TPST2: variants seen among roughly 807,000 people sequenced by gnomAD.
The protein encoded by TPST2 is tyrosylprotein sulfotransferase 2, also known as protein-tyrosine sulfotransferase 2.
A neutral mutation model predicts 27.8 loss-of-function variants in TPST2; 16 were observed. The observed-to-expected ratio is 0.58, with a 90% CI of 0.39 to 0.88. TPST2 has a LOEUF of 0.88. TPST2 is among the 40% of genes least tolerant of loss of function. The pLI, the probability that TPST2 is intolerant of heterozygous loss-of-function variation, is 0.00. For synonymous variants in TPST2, 229 were observed against 231.7 expected (o/e 0.99, Z 0.10); for missense variants, 464 against 543.1 (o/e 0.85, Z 1.45).
chr22:26,585,305 T>C (rs1928300846), intron 1 of TPST2, among the ~76,000 whole-genome samples: 1 of 151,670 alleles, frequency 6.6e-6, no homozygotes, highest in Non-Finnish European at 1.5e-5. Context: ...ATAAGAAGTT[T>C]CTCCCTGGGC....
intron 1 of TPST2, among the ~76,000 whole-genome samples, chr22:26,544,910 C>G (rs1171131340): frequency 1.3e-5 from 2 of 152,328 alleles, no homozygotes; most frequent in African/African-American, 4.8e-5. Flanking sequence ...GAGGTGTGAG[C>G]TGAAGTCTGA....
At chr22:26,560,650 C>T (rs1285625000) in intron 1 of TPST2, 15 of 1,313,774 alleles carry the variant, frequency 1.1e-5, no homozygotes, top group Non-Finnish European at 1.5e-5. Flanking sequence ...TCAGAGTTTT[C>T]TAAGAAGTGC....
intron 1 of TPST2, chr22:26,561,111 G>A: frequency 6.2e-7 from 1 of 1,609,530 alleles, no homozygotes; most frequent in Non-Finnish European, 8.5e-7. Flanking sequence ...AGATGAAGAG[G>A]ATGAGGAGGA....
rs34776057 is a variant in TPST2 at position 26,530,631 on chromosome 22, C to CAAAAAAAAAAA, written c.1092+2053_1092+2063dup. Among the ~76,000 whole-genome samples, 21 of 118,310 alleles carry CAAAAAAAAAAA rather than the reference C, an allele frequency of 1.8e-4. 1 individual carries two copies. The South Asian group carries it at 4.9e-3, about 28-fold the overall frequency. 77.6% of individuals were successfully genotyped at this position (118,310 alleles called of 152,430 possible). On this transcript the variant is annotated intron_variant, in intron 5 of 6. Coordinates refer to ENST00000338754, the MANE Select transcript of TPST2 (RefSeq NM_003595.5). ...TGGGTGACACAGTGAAACCCCATCT[C>CAAAAAAAAAAA]AAAAAAAAAAAGGAATCAGCAGGAG...
rs888660154 is a variant in TPST2, at chr22:26,536,930, C to A, written c.843-444G>T. On this transcript the variant is annotated intron_variant, in intron 3 of 6. Coordinates refer to ENST00000338754, the MANE Select transcript of TPST2 (RefSeq NM_003595.5). Reference sequence around the variant, plus strand: ...GGCATGGTAACAAGCGCCTGTAGTCCCAGCAGCTGCGCAGGAGGCTGAGAT... The same window carrying A: ...GGCATGGTAACAAGCGCCTGTAGTCACAGCAGCTGCGCAGGAGGCTGAGAT... Among the ~76,000 whole-genome samples, 5 of 152,112 alleles carry A rather than the reference C, an allele frequency of 3.3e-5. No homozygotes were observed. The South Asian group carries it at 1.0e-3, about 32-fold the overall frequency.
chr22:26,528,174 C>G, intron 6 of TPST2, 40 bp downstream of exon 6: 1 of 1,552,984 alleles, frequency 6.4e-7, no homozygotes, highest in Non-Finnish European at 8.7e-7. Flanking sequence ...CGGGGCCACC[C>G]AGAAGCAGCG....
chr22:26,528,101 G>T, intron 6 of TPST2, 113 bp downstream of exon 6: 1 of 1,265,738 alleles, frequency 7.9e-7, no homozygotes, highest in South Asian at 1.3e-5. Flanking sequence ...CCACCCTAGT[G>T]GACATGTCTA....
chr22:26,544,840 A>C (rs1339022042), intron 1 of TPST2, among the ~76,000 whole-genome samples, 165 bp from the exon 2 acceptor site: 1 of 152,190 alleles, frequency 6.6e-6, no homozygotes, highest in African/African-American at 2.4e-5. Context: ...AAGATACCAC[A>C]GCTGGAGTCT....
chr22:26,544,698 G>A lies in TPST2; in HGVS notation c.-160-23C>T, dbSNP rs929986565. ...GCCCTGGAGAGGCAAAGGAGATATT[G>A]CATCAGGGATGGGCACTGTGGAGAG... On this transcript the variant is annotated intron_variant, in intron 1 of 6. Transcript: ENST00000338754. 54 of 985,438 alleles carry A rather than the reference G, an allele frequency of 5.5e-5. No individual in the cohort carries two copies. The African/African-American group carries it at 8.9e-4, about 16-fold the overall frequency. 61.0% of individuals were successfully genotyped at this position (985,438 alleles called of 1,614,324 possible).
chr22:26,554,313 A>T (rs915599230), intron 1 of TPST2, among the ~76,000 whole-genome samples: 2 of 152,246 alleles, frequency 1.3e-5, no homozygotes, highest in African/African-American at 4.8e-5. Context: ...CTTGCCCCTG[A>T]CACCTGGCAC....
At chr22:26,537,984 C>T (rs1925569925) in intron 3 of TPST2, among the ~76,000 whole-genome samples, 1 of 152,182 alleles carries the variant, frequency 6.6e-6, no homozygotes, top group Non-Finnish European at 1.5e-5. Flanking sequence ...TTCACAGCTA[C>T]CATGGAATAA....
At chr22:26,569,002 T>C (rs1424328164) in intron 1 of TPST2, among the ~76,000 whole-genome samples, 2 of 151,868 alleles carry the variant, frequency 1.3e-5, no homozygotes, top group Non-Finnish European at 2.9e-5. Flanking sequence ...TAGCTGGGAC[T>C]ACAGGCGCCC....
At chr22:26,588,259 A>G (rs1474355439) in intron 1 of TPST2, among the ~76,000 whole-genome samples, 1 of 152,106 alleles carries the variant, frequency 6.6e-6, no homozygotes, top group Non-Finnish European at 1.5e-5. Context: ...CCTTAGAAAC[A>G]TTCTCTGAAG....
chr22:26,550,007 T>C (rs1926377073), intron 1 of TPST2, among the ~76,000 whole-genome samples: 1 of 150,514 alleles, frequency 6.6e-6, no homozygotes, highest in South Asian at 2.1e-4. Context: ...GCCACTGCAC[T>C]TCAGCCTGGG....
At chr22:26,536,764 TAAC>T (rs1474148052) in intron 3 of TPST2, among the ~76,000 whole-genome samples, 1 of 152,130 alleles carries the variant, frequency 6.6e-6, no homozygotes, top group East Asian at 1.9e-4. Context: ...GCTTAAAAAA[TAAC>T]AACAGTTTAG....
At position 26,541,483 on chromosome 22, in the gene TPST2, C is replaced by T. The variant is rs1349790489; in HGVS notation, c.148G>A (p.Glu50Lys). The change falls in exon 3 of 7, where the codon GAG (glutamate) becomes AAG (lysine). Residue 50 changes from glutamate (E) to lysine (K), a missense_variant. By Grantham distance (56) the Glu-to-Lys change is moderately conservative (BLOSUM62 1). Transcript: ENST00000338754. The surrounding 1 kb of genome is among the most constrained non-coding windows in gnomAD (Gnocchi z 5.9). ...TTGGTGCCCACCATCACCAGCTCCT[C>T]CTGCTCAGGCCGCATGGCCCCCCGG... ...SPRGAMRPEQEELVMVGTNHV... is the reference protein window; with the variant it reads ...SPRGAMRPEQKELVMVGTNHV... 6.8e-6 allele frequency: 11 copies of T among 1,611,696 alleles called. No homozygotes were observed. Among genetic ancestry groups the T allele is most frequent in the Non-Finnish European group, 9.3e-6 (11 of 1,178,828 alleles).
At chr22:26,589,877 C>T (rs1928488176) in intron 1 of TPST2, among the ~76,000 whole-genome samples, 176 bp downstream of exon 1, 1 of 152,034 alleles carries the variant, frequency 6.6e-6, no homozygotes, top group African/African-American at 2.4e-5. Context: ...GCCCGCGCCG[C>T]CTGCCTGCCT....
intron 1 of TPST2, among the ~76,000 whole-genome samples, chr22:26,584,528 T>C (rs994442126): frequency 6.6e-6 from 1 of 151,998 alleles, no homozygotes; most frequent in South Asian, 2.1e-4. Context: ...GGGCTGGGTG[T>C]GGTGGCTCAC....
intron 1 of TPST2, chr22:26,560,686 C>T: frequency 8.8e-7 from 1 of 1,135,128 alleles, no homozygotes; most frequent in Admixed American, 1.7e-5. Context: ...ACCATGTCTG[C>T]TAAAGAGAAA....
Sources: allele counts gnomAD v4.1 joint callset (sites outside exome capture counted in the v4.1 genomes callset), GRCh38; gene constraint gnomAD v4.1.1; non-coding constraint Gnocchi (gnomAD v3.1); transcripts MANE v1.5; gene names NCBI Gene and HGNC (gene_info 2026-07-23, HGNC 2026-07-21).